Variants in PNLIPRP1 observed in about 807,000 individuals in gnomAD.
The protein encoded by PNLIPRP1 is pancreatic lipase related protein 1.
Under a neutral mutation model 54.6 loss-of-function variants are expected in PNLIPRP1, and 57 were observed. That is an observed-to-expected ratio of 1.04 (90% CI 0.84 to 1.30). The LOEUF is 1.30. PNLIPRP1 is among the 50% of genes most tolerant of loss of function. PNLIPRP1 has a pLI of 0.00. For synonymous variants in PNLIPRP1, 232 were observed against 208.8 expected (o/e 1.11, Z -0.96); for missense variants, 567 against 568.5 (o/e 1.00, Z 0.03).
chr10:116,603,889 T>C (rs1461584232), intron 10 of PNLIPRP1, 141 bp from the exon 11 acceptor site: 1 of 494,002 alleles, frequency 2.0e-6, no homozygotes, highest in Non-Finnish European at 3.6e-6. Flanking sequence ...TGAGACCCCA[T>C]CTCAAAAAAT....
intron 12 of PNLIPRP1, among the ~76,000 whole-genome samples, chr10:116,607,898 A>G (rs993768471): frequency 1.3e-5 from 2 of 152,186 alleles, no homozygotes; most frequent in Admixed American, 1.3e-4. Context: ...TCTGTTGCCC[A>G]GGCTAGAGTA....
intron 5 of PNLIPRP1, 129 bp from the exon 6 acceptor site, chr10:116,596,085 G>C: frequency 2.9e-6 from 2 of 693,216 alleles, no homozygotes; most frequent in Admixed American, 4.6e-5. Flanking sequence ...TTCAGAATGA[G>C]TTTGGGCTTG....
intron 12 of PNLIPRP1, among the ~76,000 whole-genome samples, chr10:116,608,396 G>A (rs897935629): frequency 1.3e-5 from 2 of 152,174 alleles, no homozygotes; most frequent in South Asian, 4.1e-4. Context: ...GAACTCCAGG[G>A]AGGAACGCCA....
At chr10:116,607,174 A>G (rs1036514261) in intron 12 of PNLIPRP1, among the ~76,000 whole-genome samples, 42 of 152,076 alleles carry the variant, frequency 2.8e-4, no homozygotes, top group Non-Finnish European at 4.9e-4. Flanking sequence ...CCCTCCAATG[A>G]CACAGTATCC....
chr10:116,596,011 TCAA>T (rs1428837999), intron 5 of PNLIPRP1, 200 bp from the exon 6 acceptor site: 2 of 543,188 alleles, frequency 3.7e-6, no homozygotes, highest in African/African-American at 3.8e-5. Flanking sequence ...GTCTGAAAGT[TCAA>T]CAAAGGGTTT....
In PNLIPRP1 at chr10:116,598,136, C is replaced by G. The variant is rs781923698; in HGVS notation, c.784C>G (p.Gln262Glu). The G allele has an allele frequency of 6.2e-7, 1 of 1,613,904 alleles. No individual in the cohort carries two copies. The highest frequency in any genetic ancestry group is 8.5e-7 in the Non-Finnish European group (1 of 1,179,990). ...GGGATGCAAGAAGAATGCCCTGTCT[C>G]AGATCGTGGATCTAGATGGCATCTG... is the stretch of plus-strand genomic sequence containing the variant. ...MPGCKKNALS[Q>E]IVDLDGIWAG... The change falls in exon 8 of 13, where the codon CAG becomes GAG. Residue 262 changes from glutamine (Q) to glutamate (E), a missense_variant. By Grantham distance (29) the Gln-to-Glu change is conservative. Transcript: ENST00000358834.
At chr10:116,607,020 T>TTAATAATAATAATAATAA (rs55946265) in intron 12 of PNLIPRP1, among the ~76,000 whole-genome samples, 4,836 of 147,062 alleles carry the variant, frequency 0.033, 157 homozygotes, top group East Asian at 0.087. Context: ...CCAGTAACAT[T>TTAATAATAATAATAATAA]TAATAATAAT....
intron 2 of PNLIPRP1, 137 bp from the exon 3 acceptor site, chr10:116,591,634 T>A: frequency 1.2e-6 from 1 of 825,510 alleles, no homozygotes; most frequent in South Asian, 1.7e-5. Context: ...AAGAAGAGAG[T>A]GGGAGGGGTT....
At position 116,605,507 on chromosome 10, in the gene PNLIPRP1, G is replaced by A. The variant is rs1198885132; in HGVS notation, c.1294G>A (p.Val432Met). Residue 432 changes from valine to methionine, a missense_variant, in exon 12 of 13, where the codon GTG becomes ATG. Physicochemically the swap from Val to Met is conservative, Grantham distance 21 (BLOSUM62 1). Transcript: ENST00000358834. The stretch of plus-strand genomic sequence containing the variant: ...TGTGATAAATCCAACCCTCCCCAAA[G>A]TGGGTGCCACCAAGATCACTGTGCA... ...NNVINPTLPK[V>M]GATKITVQKG... 1.2e-6 allele frequency: 2 copies of A among 1,610,862 alleles called. No homozygotes were observed. The highest frequency in any genetic ancestry group is 1.3e-5 in the African/African-American group (1 of 74,906).
At chr10:116,597,064 T>C (rs1025331131) in intron 6 of PNLIPRP1, among the ~76,000 whole-genome samples, 1 of 152,196 alleles carries the variant, frequency 6.6e-6, no homozygotes, top group Non-Finnish European at 1.5e-5. Flanking sequence ...GTTTTGCCGA[T>C]GTTTGGCTTA....
intron 11 of PNLIPRP1, among the ~76,000 whole-genome samples, 156 bp from the exon 12 acceptor site, chr10:116,605,230 G>C (rs1847916775): frequency 6.6e-6 from 1 of 152,136 alleles, no homozygotes. Context: ...TGAGGTGCTA[G>C]CATATAGCTG....
At chr10:116,608,987 C>CT (rs1467746259) in intron 12 of PNLIPRP1, 66 bp from the exon 13 acceptor site, 38 of 1,239,944 alleles carry the variant, frequency 3.1e-5, no homozygotes, top group Middle Eastern at 3.7e-4. Flanking sequence ...CAAACCAAAA[C>CT]AAAACAAAAC....
intron 12 of PNLIPRP1, among the ~76,000 whole-genome samples, chr10:116,608,412 C>T (rs1847973033): frequency 6.6e-6 from 1 of 152,134 alleles, no homozygotes; most frequent in African/African-American, 2.4e-5. Context: ...CGCCAGGTCC[C>T]CCGACTCCAG....
At chr10:116,594,703 C>T in intron 4 of PNLIPRP1, 27 bp from the exon 5 acceptor site, 3 of 1,613,814 alleles carry the variant, frequency 1.9e-6, no homozygotes, top group Non-Finnish European at 2.5e-6. Flanking sequence ...CATTATCTCC[C>T]CAACCCCACT....
At position 116,601,164 on chromosome 10, in the gene PNLIPRP1, ATTC is replaced by A. The variant is rs782563314; in HGVS notation, c.1032_1034del (p.Phe344del). ...GCAGGACAAGTGAAGAGCAGCAGAAATTCTTCTTGAACACAGGAGAGGCTAGCA... is the reference window on the plus strand; with the variant it reads ...GCAGGACAAGTGAAGAGCAGCAGAAATTCTTGAACACAGGAGAGGCTAGCA... On this transcript the variant is annotated inframe_deletion, in exon 10 of 13. Coordinates refer to ENST00000358834, the MANE Select transcript of PNLIPRP1 (RefSeq NM_006229.4). 27 of 1,613,976 alleles carry A rather than the reference ATTC, an allele frequency of 1.7e-5. No homozygotes were observed. Among genetic ancestry groups the A allele is most frequent in the Middle Eastern group, 1.6e-4 (1 of 6,084 alleles).
At chr10:116,597,359 A>G (rs782385042) in intron 6 of PNLIPRP1, among the ~76,000 whole-genome samples, 1 of 152,132 alleles carries the variant, frequency 6.6e-6, no homozygotes, top group Non-Finnish European at 1.5e-5. Context: ...AAGAACCTGA[A>G]GCACAAAAAG....
rs781828508 is a variant in PNLIPRP1, at chr10:116,594,729, G to A, written c.331-1G>A. The stretch of plus-strand genomic sequence containing the variant: ...CAACCCCACTATCTCCCCAACACCA[G>A]AAACTGTTCGAGGTGGAGGAGGTGA... On this transcript the variant is annotated splice_acceptor_variant, in intron 4 of 12. Coordinates refer to ENST00000358834, the MANE Select transcript of PNLIPRP1 (RefSeq NM_006229.4). LOFTEE classifies it high-confidence loss of function. The A allele has an allele frequency of 2.8e-5, 45 of 1,614,038 alleles. No individual in the cohort carries two copies. Among genetic ancestry groups the A allele is most frequent in the Non-Finnish European group, 3.6e-5 (42 of 1,180,030 alleles).
At chr10:116,598,829 TC>T (rs1357336304) in intron 8 of PNLIPRP1, among the ~76,000 whole-genome samples, 2 of 152,354 alleles carry the variant, frequency 1.3e-5, no homozygotes, top group East Asian at 3.9e-4. Context: ...GGTGAAGTTT[TC>T]ATCCAGACTT....
At chr10:116,597,632 C>T (rs1554864115) in intron 6 of PNLIPRP1, among the ~76,000 whole-genome samples, 196 bp from the exon 7 acceptor site, 1 of 152,244 alleles carries the variant, frequency 6.6e-6, no homozygotes, top group African/African-American at 2.4e-5. Context: ...ATCCACGCCA[C>T]TGGGAACCCT....
Sources: allele counts gnomAD v4.1 joint callset (sites outside exome capture counted in the v4.1 genomes callset), GRCh38; gene constraint gnomAD v4.1.1; transcripts MANE v1.5; gene names NCBI Gene and HGNC (gene_info 2026-07-23, HGNC 2026-07-21).